The following RNASEH1 variants were observed in gnomAD, a reference collection of about 807,000 sequenced individuals.
The protein encoded by RNASEH1 is ribonuclease H1, also known as ribonuclease H type II.
RNASEH1 carries 27 observed loss-of-function variants against 34.6 expected under a neutral mutation model. The observed-to-expected ratio is 0.78, with a 90% CI of 0.58 to 1.08. The LOEUF (loss-of-function observed/expected upper bound fraction) is 1.08. RNASEH1 is among the 50% of genes least tolerant of loss of function. The pLI, the probability that RNASEH1 is intolerant of heterozygous loss-of-function variation, is 0.00. For synonymous variants in RNASEH1, 162 were observed against 138.4 expected (o/e 1.17, Z -1.20); for missense variants, 349 against 373.6 (o/e 0.93, Z 0.54).
intron 2 of RNASEH1, 91 bp from the exon 3 acceptor site, chr2:3,552,399 C>A: frequency 4.7e-6 from 6 of 1,284,262 alleles, no homozygotes; most frequent in Non-Finnish European, 6.5e-6. Context: ...TATTTAGTAT[C>A]ATTAAATCAG....
At chr2:3,549,187 A>G in intron 4 of RNASEH1, 75 bp from the exon 5 acceptor site, 1 of 1,066,622 alleles carries the variant, frequency 9.4e-7, no homozygotes, top group Non-Finnish European at 1.5e-6. Flanking sequence ...ATGGATAACG[A>G]TAAACTAGTG....
At chr2:3,532,249 G>A in the RNASEH1 span, 1 of 702,116 alleles carries the variant, frequency 1.4e-6, no homozygotes, top group Non-Finnish European at 2.6e-6. Context: ...CATTTCTCAT[G>A]ACCCTCATGT....
In RNASEH1 at chr2:3,549,924, C is replaced by A. The variant is rs1029195135; in HGVS notation, c.509+449G>T. On this transcript the variant is annotated intron_variant, in intron 4 of 7. Coordinates refer to ENST00000315212, the MANE Select transcript of RNASEH1 (RefSeq NM_002936.6). ...TCGCGCCACTGCACTCTAGCCTGGGCGATAGAGTGAGACTCCGTCTCAGGA... is the reference window on the plus strand; with the variant it reads ...TCGCGCCACTGCACTCTAGCCTGGGAGATAGAGTGAGACTCCGTCTCAGGA... 1.4e-4 allele frequency among the ~76,000 whole-genome samples: 20 copies of A among 146,222 alleles called. 1 individual carries two copies. Among genetic ancestry groups the A allele is most frequent in the Admixed American group, 1.3e-3 (18 of 14,244 alleles).
the RNASEH1 span, among the ~76,000 whole-genome samples, chr2:3,535,000 G>A: frequency 1.3e-5 from 2 of 152,212 alleles, no homozygotes; most frequent in Non-Finnish European, 2.9e-5. Flanking sequence ...CAGGGGCTGG[G>A]GAGTCCGTGT....
chr2:3,534,421 A>G, the RNASEH1 span, among the ~76,000 whole-genome samples: 5,405 of 152,312 alleles, frequency 0.035, 155 homozygotes, highest in Non-Finnish European at 0.051. Context: ...CCCAGACATC[A>G]GACTCCCTGA....
At chr2:3,550,054 G>C (rs527515717) in intron 4 of RNASEH1, 2 of 266,004 alleles carry the variant, frequency 7.5e-6, no homozygotes, top group African/African-American at 4.6e-5. Context: ...AAGGTGGGAG[G>C]ATCGCTTGAG....
the RNASEH1 span, among the ~76,000 whole-genome samples, chr2:3,535,591 G>A: frequency 2.0e-5 from 3 of 152,180 alleles, no homozygotes; most frequent in African/African-American, 4.8e-5. Context: ...ATTGAGGAAC[G>A]GCAGTAAGAG....
intron 3 of RNASEH1, among the ~76,000 whole-genome samples, chr2:3,551,485 T>C (rs1183965628): frequency 1.3e-5 from 2 of 150,360 alleles, no homozygotes. Flanking sequence ...AAAGAATACT[T>C]GTTTGATCTT....
chr2:3,534,590 G>A, the RNASEH1 span, among the ~76,000 whole-genome samples: 14,602 of 152,304 alleles, frequency 0.096, 758 homozygotes, highest in Middle Eastern at 0.17. Flanking sequence ...AGCGGGTTGC[G>A]GCATGCCCGG....
chr2:3,555,789 A>G (rs1660434223), intron 2 of RNASEH1, among the ~76,000 whole-genome samples: 2 of 152,128 alleles, frequency 1.3e-5, no homozygotes, highest in Non-Finnish European at 1.5e-5. Flanking sequence ...AGTCTGCATA[A>G]TGGGCTTTAA....
chr2:3,548,549 C>A lies in RNASEH1; in HGVS notation c.649+91G>T, dbSNP rs181667581. The A allele has an allele frequency of 6.3e-6, 5 of 790,988 alleles. No homozygotes were observed. The African/African-American group carries it at 8.5e-5, about 13-fold the overall frequency. The allele number at this position is 790,988 out of a possible 1,614,324, so 49.0% of individuals were successfully genotyped here. On this transcript the variant is annotated intron_variant, in intron 6 of 7. Coordinates refer to ENST00000315212, the MANE Select transcript of RNASEH1 (RefSeq NM_002936.6). The stretch of plus-strand genomic sequence containing the variant: ...GACAAACCAATGTCATCCCCCCGTT[C>A]CCATTTGGGTCCTGCCCTGTTACAA...
chr2:3,536,862 C>G (rs1289586046), downstream of RNASEH1: 1 of 152,318 alleles, frequency 6.6e-6, no homozygotes, highest in African/African-American at 2.4e-5. Flanking sequence ...TGCAGAGGCT[C>G]CTTCCTGGCT....
chr2:3,556,303 T>C (rs1660487131), intron 2 of RNASEH1, among the ~76,000 whole-genome samples: 2 of 151,004 alleles, frequency 1.3e-5, no homozygotes, highest in Admixed American at 6.6e-5. Context: ...CCAATAACTA[T>C]GTAAGTTTTT....
chr2:3,555,089 G>A (rs531367370), intron 2 of RNASEH1, among the ~76,000 whole-genome samples: 3 of 152,340 alleles, frequency 2.0e-5, no homozygotes, highest in African/African-American at 7.2e-5. Flanking sequence ...ACTTATAGGA[G>A]GAGCATCATG....
chr2:3,538,472 T>G (rs1251693928), downstream of RNASEH1, among the ~76,000 whole-genome samples: 1 of 152,046 alleles, frequency 6.6e-6, no homozygotes, highest in East Asian at 1.9e-4. Context: ...CCATTCCCAG[T>G]GTAATAGAGT....
intron 2 of RNASEH1, 21 bp downstream of exon 2, chr2:3,556,768 A>T (rs1660545102): frequency 2.0e-6 from 3 of 1,520,392 alleles, no homozygotes; most frequent in Admixed American, 1.7e-5. Flanking sequence ...AAAATGTCAC[A>T]CTGATATGAG....
intron 3 of RNASEH1, 73 bp from the exon 4 acceptor site, chr2:3,550,545 G>A (rs1380785427): frequency 1.8e-6 from 2 of 1,115,386 alleles, no homozygotes; most frequent in Non-Finnish European, 2.8e-6. Context: ...AAATCCACTA[G>A]GTCGACTTAG....
downstream of RNASEH1, among the ~76,000 whole-genome samples, chr2:3,537,375 T>A (rs1172246635): frequency 6.6e-6 from 1 of 152,144 alleles, no homozygotes; most frequent in African/African-American, 2.4e-5. Context: ...CTTTCGAATA[T>A]TTTTTATCAA....
Position 3,558,316 on chromosome 2 carries a change from C to A in RNASEH1, c.-56G>T, listed in dbSNP as rs114898086. 5.7e-3 allele frequency: 8,434 copies of A among 1,470,016 alleles called. 391 individuals carry two copies. The African/African-American group carries it at 0.11, about 19-fold the overall frequency. 91.1% of individuals were successfully genotyped at this position (1,470,016 alleles called of 1,614,324 possible). On this transcript the variant is annotated 5_prime_UTR_variant, in exon 1 of 8. Transcript: ENST00000315212. The stretch of plus-strand genomic sequence containing the variant: ...ACTCCCGGCCCAGCGTGGGCGCGAG[C>A]CGCCGGCGCTCAACACCGCACTTCC...
Sources: allele counts gnomAD v4.1 joint callset (sites outside exome capture counted in the v4.1 genomes callset), GRCh38; gene constraint gnomAD v4.1.1; transcripts MANE v1.5; gene names NCBI Gene and HGNC (gene_info 2026-07-23, HGNC 2026-07-21).